Variants in CETN3 observed in about 807,000 individuals in gnomAD.
CETN3 encodes centrin-3.
In CETN3, 17 loss-of-function variants were observed where a neutral mutation model predicts 20.1. The ratio of observed to expected loss-of-function variants is 0.85; its 90% CI spans 0.58 to 1.27. The LOEUF is 1.27. CETN3 is among the 50% of genes most tolerant of loss of function. The pLI is 0.00. For missense variants in CETN3, 169 were observed against 191.2 expected (o/e 0.88, Z 0.69); for synonymous variants, 52 against 59.7 (o/e 0.87, Z 0.59).
chr5:90,401,442 G>C (rs1749286910), intron 3 of CETN3, among the ~76,000 whole-genome samples: 1 of 152,052 alleles, frequency 6.6e-6, no homozygotes, highest in Non-Finnish European at 1.5e-5. Flanking sequence ...CCAAATTTCT[G>C]TCCATGCAAC....
intron 3 of CETN3, among the ~76,000 whole-genome samples, chr5:90,399,892 A>G (rs1749237474): frequency 6.6e-6 from 1 of 152,242 alleles, no homozygotes; most frequent in South Asian, 2.1e-4. Context: ...ACTGACATCA[A>G]GCACACAAGG....
At chr5:90,399,077 T>G in intron 4 of CETN3, 2 of 547,858 alleles carry the variant, frequency 3.7e-6, no homozygotes, top group Non-Finnish European at 6.5e-6. Flanking sequence ...GAACTTAGCA[T>G]GTAGGTTGAG....
At chr5:90,402,202 A>G (rs569456430) in intron 3 of CETN3, among the ~76,000 whole-genome samples, 5 of 152,236 alleles carry the variant, frequency 3.3e-5, no homozygotes, top group African/African-American at 1.2e-4. Flanking sequence ...ATCCTCAGCG[A>G]AAAAAATAGT....
At chr5:90,406,277 T>G (rs908984916) in intron 2 of CETN3, among the ~76,000 whole-genome samples, 1 of 152,034 alleles carries the variant, frequency 6.6e-6, no homozygotes, top group African/African-American at 2.4e-5. Context: ...ATTTTGTTAC[T>G]AATAATAAGG....
Position 90,392,388 on chromosome 5 carries a change from C to T in CETN3, c.*1676G>A, listed in dbSNP as rs1749040764. ...AGGTCTGTTGCCCTGAATATAATGA[C>T]TGTGACCATTGAATTTGTATTCAAA... On this transcript the variant is annotated 3_prime_UTR_variant, in exon 5 of 5. Transcript: ENST00000283122. 6.6e-6 allele frequency: 1 copy of T among 152,148 alleles called. No homozygotes were observed. The highest frequency in any genetic ancestry group is 1.5e-5 in the Non-Finnish European group (1 of 68,018). 9.4% of individuals were successfully genotyped at this position (152,148 alleles called of 1,614,324 possible).
At chr5:90,407,276 A>C (rs1749476704) in intron 2 of CETN3, among the ~76,000 whole-genome samples, 1 of 152,280 alleles carries the variant, frequency 6.6e-6, no homozygotes, top group African/African-American at 2.4e-5. Flanking sequence ...GAGAAAGTGG[A>C]TTGAGACTAT....
At chr5:90,407,411 CCA>C in intron 2 of CETN3, among the ~76,000 whole-genome samples, 1 of 152,124 alleles carries the variant, frequency 6.6e-6, no homozygotes, top group East Asian at 1.9e-4. Context: ...AGAATAAATT[CCA>C]GTTTGAAATC....
chr5:90,399,005 C>T (rs1395730422), intron 4 of CETN3: 1 of 385,096 alleles, frequency 2.6e-6, no homozygotes, highest in East Asian at 4.9e-5. Context: ...ACTAGGACAG[C>T]CACAATGGAC....
At chr5:90,397,012 C>T (rs1172611434) in intron 4 of CETN3, among the ~76,000 whole-genome samples, 1 of 151,918 alleles carries the variant, frequency 6.6e-6, no homozygotes, top group Non-Finnish European at 1.5e-5. Context: ...GATGATTTAA[C>T]GTATACAAGA....
At position 90,393,093 on chromosome 5, in the gene CETN3, C is replaced by A. The variant is rs1356711587; in HGVS notation, c.*971G>T. 6.6e-6 allele frequency: 1 copy of A among 152,138 alleles called. No homozygotes were observed. Among genetic ancestry groups the A allele is most frequent in the Non-Finnish European group, 1.5e-5 (1 of 68,028 alleles). 9.4% of individuals were successfully genotyped at this position (152,138 alleles called of 1,614,324 possible). A position where few individuals can be genotyped will look rare whatever the true frequency, so the allele number is the denominator to read the frequency against. On this transcript the variant is annotated 3_prime_UTR_variant, in exon 5 of 5. Transcript: ENST00000283122. The stretch of plus-strand genomic sequence containing the variant: ...TACTATTTTTTTCTATGATCGATCT[C>A]CATAACCACTTGTTTCCCCCTAACA...
chr5:90,408,463 A>G (rs1000223089), intron 1 of CETN3, among the ~76,000 whole-genome samples: 2 of 152,234 alleles, frequency 1.3e-5, no homozygotes, highest in African/African-American at 4.8e-5. Flanking sequence ...GAGTCTAAAC[A>G]TATGACAAAT....
At chr5:90,406,745 T>C (rs1268646677) in intron 2 of CETN3, among the ~76,000 whole-genome samples, 1 of 148,166 alleles carries the variant, frequency 6.7e-6, no homozygotes, top group East Asian at 2.0e-4. Flanking sequence ...AGAAATCATT[T>C]AGGAAGCTCC....
Position 90,409,678 on chromosome 5 carries a change from G to C in CETN3, c.-17C>G. ...TAAACTCATTATCTCTTCGCACAGA[G>C]ACGTTCCTCTCAAGAACGATTTTAA... On this transcript the variant is annotated 5_prime_UTR_variant, in exon 1 of 5. Coordinates refer to ENST00000283122, the MANE Select transcript of CETN3 (RefSeq NM_004365.4). 6.2e-7 allele frequency: 1 copy of C among 1,614,124 alleles called. No individual in the cohort carries two copies.
At chr5:90,409,573 T>C (rs10041922) in intron 1 of CETN3, 72 bp downstream of exon 1, 1 of 1,577,788 alleles carries the variant, frequency 6.3e-7, no homozygotes, top group Non-Finnish European at 8.7e-7. Context: ...CCAAACGTCC[T>C]CCCTTCCACA....
At chr5:90,402,753 C>T (rs1749330675) in intron 3 of CETN3, among the ~76,000 whole-genome samples, 1 of 152,170 alleles carries the variant, frequency 6.6e-6, no homozygotes, top group African/African-American at 2.4e-5. Context: ...GAATTTGGTC[C>T]AAAGGCTATA....
chr5:90,404,935 T>G (rs551841249), intron 3 of CETN3, among the ~76,000 whole-genome samples: 50 of 152,222 alleles, frequency 3.3e-4, no homozygotes, highest in Non-Finnish European at 4.7e-4. Context: ...GACAATACAT[T>G]TAAGTTATAA....
rs532159212 is a variant in CETN3, at chr5:90,399,500, T to C, written c.318A>G (p.Ala106=). ...ERDPHEEILK[A]FKLFDDDDSG... ...AATCATCATCATCAAATAGTTTAAATGCCTTGAGTATTTCTTCATGGGGAT... is the reference window on the plus strand; with the variant it reads ...AATCATCATCATCAAATAGTTTAAACGCCTTGAGTATTTCTTCATGGGGAT... Residue 106 remains alanine (A), a synonymous_variant, in exon 4 of 5, where the codon GCA becomes GCG. Transcript: ENST00000283122. 1 of 1,613,836 alleles carries C rather than the reference T, an allele frequency of 6.2e-7. No homozygotes were observed. The highest frequency in any genetic ancestry group is 1.7e-5 in the Admixed American group (1 of 60,028).
Position 90,409,628 on chromosome 5 carries a change from G to C in CETN3, c.17+17C>G. 1 of 1,613,862 alleles carries C rather than the reference G, an allele frequency of 6.2e-7. No homozygotes were observed. Among genetic ancestry groups the C allele is most frequent in the Non-Finnish European group, 8.5e-7 (1 of 1,179,904 alleles). On this transcript the variant is annotated intron_variant, in intron 1 of 4. Coordinates refer to ENST00000283122, the MANE Select transcript of CETN3 (RefSeq NM_004365.4). Reference sequence around the variant, plus strand: ...GCTCCGGGGTGTGGAGAGCACTGCCGCCTCCTTATTACCGACCTCAGAGCT... The same window carrying C: ...GCTCCGGGGTGTGGAGAGCACTGCCCCCTCCTTATTACCGACCTCAGAGCT...
rs1749226506 is a variant in CETN3, at chr5:90,399,501, G to A, written c.317C>T (p.Ala106Val). 1 of 1,613,534 alleles carries A rather than the reference G, an allele frequency of 6.2e-7. No individual in the cohort carries two copies. The highest frequency in any genetic ancestry group is 8.5e-7 in the Non-Finnish European group (1 of 1,179,740). Residue 106 changes from alanine (A) to valine (V), a missense_variant, in exon 4 of 5, where the codon GCA (alanine) becomes GTA (valine). Physicochemically the swap from Ala to Val is moderately conservative, Grantham distance 64. Transcript: ENST00000283122. The stretch of plus-strand genomic sequence containing the variant: ...ATCATCATCATCAAATAGTTTAAAT[G>A]CCTTGAGTATTTCTTCATGGGGATC... ...ERDPHEEILKAFKLFDDDDSG... is the reference protein window; with the variant it reads ...ERDPHEEILKVFKLFDDDDSG...
Sources: allele counts gnomAD v4.1 joint callset (sites outside exome capture counted in the v4.1 genomes callset), GRCh38; gene constraint gnomAD v4.1.1; transcripts MANE v1.5; gene names NCBI Gene and HGNC (gene_info 2026-07-23, HGNC 2026-07-21).